The following COL4A5 variants were observed in gnomAD, a reference collection of about 807,000 sequenced individuals.
The protein encoded by COL4A5 is collagen type IV alpha 5 chain, also known as collagen alpha-5(IV) chain.
In COL4A5, 26 loss-of-function variants were observed where a neutral mutation model predicts 130.2. The ratio of observed to expected loss-of-function variants is 0.20; its 90% CI spans 0.15 to 0.28. COL4A5 has a LOEUF of 0.28. Among genes scored for constraint, COL4A5 ranks in the 10% least tolerant of loss-of-function variants. The pLI, the probability that COL4A5 is intolerant of heterozygous loss-of-function variation, is 1.00. For synonymous variants in COL4A5, 496 were observed against 439.6 expected (o/e 1.13, Z -1.60); for missense variants, 1,131 against 1,344.3 (o/e 0.84, Z 2.48).
chrX:108,673,138 A>G (rs986939807), intron 42 of COL4A5, among the ~76,000 whole-genome samples: 9 of 112,063 alleles, frequency 8.0e-5, no homozygotes, highest in African/African-American at 2.9e-4. Context: ...TGTTTCCTGT[A>G]GCACCTTGCA....
chrX:108,450,371 G>A (rs1264304769), intron 1 of COL4A5, among the ~76,000 whole-genome samples: 1 of 111,819 alleles, frequency 8.9e-6, no homozygotes, highest in African/African-American at 3.3e-5. Flanking sequence ...TGGGATTACA[G>A]GCATGAGCCA....
intron 1 of COL4A5, among the ~76,000 whole-genome samples, chrX:108,510,039 G>T (rs945215066): frequency 1.8e-5 from 2 of 112,238 alleles, no homozygotes; most frequent in Admixed American, 1.9e-4. Flanking sequence ...ATTATCCTTA[G>T]CAAACTAATG....
chrX:108,680,747 C>A lies in COL4A5; in HGVS notation c.4011C>A (p.Phe1337Leu), dbSNP rs781631200. 1 of 1,208,932 alleles carries A rather than the reference C, an allele frequency of 8.3e-7. No homozygotes were observed. The highest frequency in any genetic ancestry group is 1.1e-6 in the Non-Finnish European group (1 of 893,278). The part of the protein sequence containing the change: ...GDPGLPGVPG[F>L]PGMKGPSGVP... ...CTGGTCTCCCTGGTGTTCCAGGATT[C>A]CCAGGTATTTGAAGGGATTTTTGTG... is the stretch of plus-strand genomic sequence containing the variant. The change falls in exon 45 of 53, where the codon TTC becomes TTA. Residue 1337 changes from phenylalanine (F) to leucine (L), a missense_variant. Coordinates refer to ENST00000328300, the MANE Select transcript of COL4A5 (RefSeq NM_033380.3).
At chrX:108,573,071 A>G (rs1211651482) in intron 8 of COL4A5, among the ~76,000 whole-genome samples, 1 of 108,782 alleles carries the variant, frequency 9.2e-6, no homozygotes, top group East Asian at 2.9e-4. Context: ...CCTGAATGTT[A>G]CCTTCACAGA....
At chrX:108,611,965 G>T (rs1202279010) in intron 29 of COL4A5, among the ~76,000 whole-genome samples, 2 of 111,387 alleles carry the variant, frequency 1.8e-5, no homozygotes, top group Non-Finnish European at 3.8e-5. Flanking sequence ...ATCAAGTGAG[G>T]CTTATCCTTA....
intron 2 of COL4A5, among the ~76,000 whole-genome samples, 180 bp from the exon 3 acceptor site, chrX:108,558,884 G>A (rs755073149): frequency 8.9e-6 from 1 of 112,012 alleles, no homozygotes; most frequent in Non-Finnish European, 1.9e-5. Flanking sequence ...ACTTCCAGAC[G>A]GTTTGTGTTT....
At chrX:108,599,993 A>G (rs1044409382) in intron 25 of COL4A5, among the ~76,000 whole-genome samples, 2 of 112,166 alleles carry the variant, frequency 1.8e-5, no homozygotes, top group African/African-American at 6.5e-5. Flanking sequence ...AGTGTTGAAT[A>G]TTTTATGTTG....
At chrX:108,522,783 CA>C (rs1450950223) in intron 1 of COL4A5, among the ~76,000 whole-genome samples, 5 of 108,205 alleles carry the variant, frequency 4.6e-5, no homozygotes, top group Admixed American at 1.0e-4. Flanking sequence ...CAAACTTTTA[CA>C]ATTTTGATAA....
intron 33 of COL4A5, 37 bp downstream of exon 33, chrX:108,622,862 A>C: frequency 1.7e-6 from 2 of 1,153,054 alleles, no homozygotes; most frequent in South Asian, 1.9e-5. Flanking sequence ...ATTTTTCCTG[A>C]TATATCTGAA....
At chrX:108,574,422 T>C (rs1371288496) in intron 9 of COL4A5, among the ~76,000 whole-genome samples, 1 of 111,718 alleles carries the variant, frequency 9.0e-6, no homozygotes, top group East Asian at 2.8e-4. Context: ...TATATGTATG[T>C]TATGAAGCAT....
At chrX:108,688,474 C>T (rs1030838371) in intron 49 of COL4A5, among the ~76,000 whole-genome samples, 4 of 109,271 alleles carry the variant, frequency 3.7e-5, no homozygotes, top group African/African-American at 1.3e-4. Flanking sequence ...CTCGCTCTGT[C>T]GCCCAGGCTG....
intron 18 of COL4A5, 141 bp from the exon 19 acceptor site, chrX:108,586,474 G>A: frequency 1.8e-6 from 1 of 551,572 alleles, no homozygotes; most frequent in Non-Finnish European, 3.0e-6. Context: ...TCAGTTGGAG[G>A]ATGGGAGTGA....
In COL4A5 at chrX:108,476,519, CTTTT is replaced by C. The variant is rs55972915; in HGVS notation, c.81+36334_81+36337del. Among the ~76,000 whole-genome samples the C allele has an allele frequency of 8.6e-3, 479 of 55,868 alleles. 6 individuals carry two copies. The highest frequency in any genetic ancestry group is 0.072 in the East Asian group (145 of 2,013). The allele number at this position is 55,868 out of a possible 115,157, so 48.5% of individuals were successfully genotyped here. A position where few individuals can be genotyped will look rare whatever the true frequency, so the allele number is the denominator to read the frequency against. ...AAATACTAGGCATTTTCTAACTGTTCTTTTTTTTTTTTTTTTTTTTTTTTACCTA... is the reference window on the plus strand; with the variant it reads ...AAATACTAGGCATTTTCTAACTGTTCTTTTTTTTTTTTTTTTTTTTACCTA... On this transcript the variant is annotated intron_variant, in intron 1 of 52. Coordinates refer to ENST00000328300, the MANE Select transcript of COL4A5 (RefSeq NM_033380.3).
intron 19 of COL4A5, 142 bp downstream of exon 19, chrX:108,586,889 CTATACCTTCTCTCACCA>C (rs1193503880): frequency 8.1e-6 from 5 of 619,906 alleles, no homozygotes; most frequent in Admixed American, 2.8e-5. Flanking sequence ...CCAACTCTTA[CTATACCTTCTCTCACCA>C]TATTACTCAC....
intron 1 of COL4A5, among the ~76,000 whole-genome samples, chrX:108,444,694 G>A (rs1382296965): frequency 8.9e-6 from 1 of 111,928 alleles, no homozygotes; most frequent in African/African-American, 3.2e-5. Context: ...GCAGAACTAG[G>A]AAATATATGT....
chrX:108,488,786 T>G (rs1216051048), intron 1 of COL4A5, among the ~76,000 whole-genome samples: 1 of 111,709 alleles, frequency 9.0e-6, no homozygotes, highest in Non-Finnish European at 1.9e-5. Context: ...TCTCCTTAAC[T>G]TATACCTGCA....
At chrX:108,591,324 C>G in intron 20 of COL4A5, 93 bp downstream of exon 20, 1 of 895,422 alleles carries the variant, frequency 1.1e-6, no homozygotes, top group Non-Finnish European at 1.6e-6. Context: ...TCATTTGTTG[C>G]GTTTCTGATA....
rs190342737 is a variant in COL4A5 at position 108,471,879 on chromosome X, T to C, written c.81+31673T>C. Among the ~76,000 whole-genome samples, 9 of 111,536 alleles carry C rather than the reference T, an allele frequency of 8.1e-5. No homozygotes were observed. The East Asian group carries it at 2.5e-3, about 31-fold the overall frequency. ...ATAATTTCCTTTCTTTTGCTAGCTT[T>C]GGGTTTAGTTTGCTCTTCCTTTTCT... On this transcript the variant is annotated intron_variant, in intron 1 of 52. Transcript: ENST00000328300.
chrX:108,602,159 T>C (rs1447861905), intron 27 of COL4A5, among the ~76,000 whole-genome samples, 170 bp downstream of exon 27: 1 of 112,752 alleles, frequency 8.9e-6, no homozygotes. Flanking sequence ...TCATTATCTT[T>C]ATCTAAAACA....
Sources: allele counts gnomAD v4.1 joint callset (sites outside exome capture counted in the v4.1 genomes callset), GRCh38; gene constraint gnomAD v4.1.1; transcripts MANE v1.5; gene names NCBI Gene and HGNC (gene_info 2026-07-23, HGNC 2026-07-21).